The following KDM4C variants were observed in gnomAD, a reference collection of about 807,000 sequenced individuals.
The protein encoded by KDM4C is lysine-specific demethylase 4C.
KDM4C carries 81 observed loss-of-function variants against 129.3 expected under a neutral mutation model. The observed-to-expected ratio is 0.63, with a 90% CI of 0.52 to 0.75. The LOEUF is 0.75. Among genes scored for constraint, KDM4C ranks in the 30% least tolerant of loss-of-function variants. The pLI is 0.00. For missense variants in KDM4C, 1,457 were observed against 1,304.0 expected, an observed-to-expected ratio of 1.12 and a Z score of -1.81; for synonymous variants, 573 against 456.1, an observed-to-expected ratio of 1.26 and a Z score of -3.26.
At chr9:7,081,843 G>A (rs7847129) in intron 17 of KDM4C, among the ~76,000 whole-genome samples, 58,607 of 152,040 alleles carry the variant, frequency 0.39, 12,067 homozygotes, top group Non-Finnish European at 0.46. Context: ...GTACGGAAAG[G>A]CATGTATTAC....
intron 19 of KDM4C, among the ~76,000 whole-genome samples, chr9:7,134,176 C>T (rs563480511): frequency 1.6e-4 from 24 of 152,322 alleles, no homozygotes; most frequent in South Asian, 8.3e-4. Context: ...GCATGGCCCA[C>T]ATGGCCTTTC....
chr9:6,835,046 G>A (rs918783358), intron 4 of KDM4C: 6 of 948,660 alleles, frequency 6.3e-6, no homozygotes, highest in Middle Eastern at 2.1e-4. Flanking sequence ...CGTGGCTACA[G>A]CTTCACCACC....
intron 5 of KDM4C, among the ~76,000 whole-genome samples, chr9:6,850,388 G>T (rs1467701676): frequency 6.6e-6 from 1 of 152,150 alleles, no homozygotes; most frequent in African/African-American, 2.4e-5. Context: ...GACTTCCTGG[G>T]TGTAGTTTCA....
intron 8 of KDM4C, among the ~76,000 whole-genome samples, chr9:6,909,425 TAGCACATCC>T (rs1324367774): frequency 3.9e-5 from 6 of 152,334 alleles, no homozygotes; most frequent in African/African-American, 1.2e-4. Context: ...CCATCTGATC[TAGCACATCC>T]AGTGGCATTG....
intron 3 of KDM4C, among the ~76,000 whole-genome samples, chr9:6,813,892 G>A (rs1473508907): frequency 1.3e-5 from 2 of 152,054 alleles, no homozygotes; most frequent in Non-Finnish European, 2.9e-5. Context: ...TCTTGAAAGA[G>A]CTATCTTGTT....
intron 8 of KDM4C, chr9:6,924,797 T>G: frequency 1.0e-6 from 1 of 981,374 alleles, no homozygotes; most frequent in Admixed American, 6.1e-5. Context: ...GTATATTCTT[T>G]TTTTTGGTTT....
chr9:6,930,569 T>A (rs1010546562), intron 8 of KDM4C, among the ~76,000 whole-genome samples: 10 of 148,620 alleles, frequency 6.7e-5, no homozygotes, highest in African/African-American at 2.2e-4. Flanking sequence ...TTATATATGT[T>A]ATCTATAACA....
chr9:6,802,062 G>A (rs938874633), intron 2 of KDM4C, among the ~76,000 whole-genome samples: 3 of 150,614 alleles, frequency 2.0e-5, no homozygotes, highest in Non-Finnish European at 2.9e-5. Context: ...CTGACATCGC[G>A]CCATTGCACT....
At chr9:6,885,021 A>G (rs1332675572) in intron 6 of KDM4C, among the ~76,000 whole-genome samples, 1 of 152,246 alleles carries the variant, frequency 6.6e-6, no homozygotes, top group Non-Finnish European at 1.5e-5. Context: ...TTCAGGTAAA[A>G]TCTACAGTAA....
At chr9:6,862,883 T>C (rs2130490348) in intron 5 of KDM4C, among the ~76,000 whole-genome samples, 1 of 152,262 alleles carries the variant, frequency 6.6e-6, no homozygotes, top group South Asian at 2.1e-4. Flanking sequence ...TTGAAAATGC[T>C]TCAGTACTTT....
intron 1 of KDM4C, among the ~76,000 whole-genome samples, chr9:6,792,766 G>C (rs1320804692): frequency 2.0e-5 from 3 of 152,116 alleles, no homozygotes; most frequent in African/African-American, 4.8e-5. Flanking sequence ...CCTGGCATAG[G>C]GAACTTGGCA....
At chr9:6,965,930 C>G (rs914935163) in intron 8 of KDM4C, among the ~76,000 whole-genome samples, 1 of 152,196 alleles carries the variant, frequency 6.6e-6, no homozygotes, top group African/African-American at 2.4e-5. Flanking sequence ...AATTAACCAT[C>G]ACAATAAGTT....
chr9:6,789,366 A>G (rs537617928), intron 1 of KDM4C, among the ~76,000 whole-genome samples: 11 of 151,348 alleles, frequency 7.3e-5, no homozygotes, highest in African/African-American at 2.7e-4. Flanking sequence ...GCTTATAGAC[A>G]TGTGCCACCA....
chr9:6,908,843 A>T (rs1453374253), intron 8 of KDM4C, among the ~76,000 whole-genome samples: 1 of 152,212 alleles, frequency 6.6e-6, no homozygotes, highest in East Asian at 1.9e-4. Context: ...CCAAATTGGA[A>T]CAATAATGAT....
At chr9:6,749,859 G>A (rs1818011409) in intron 1 of KDM4C, among the ~76,000 whole-genome samples, 1 of 151,350 alleles carries the variant, frequency 6.6e-6, no homozygotes, top group South Asian at 2.1e-4. Flanking sequence ...GGTGGTGCAT[G>A]CCTGTAATCG....
At chr9:6,747,109 C>G (rs984489256) in intron 1 of KDM4C, among the ~76,000 whole-genome samples, 3 of 150,880 alleles carry the variant, frequency 2.0e-5, no homozygotes, top group African/African-American at 7.3e-5. Context: ...GGGAGGATTG[C>G]TTGAGCCCAG....
intron 8 of KDM4C, among the ~76,000 whole-genome samples, chr9:6,972,112 A>T (rs1005203389): frequency 6.6e-6 from 1 of 152,138 alleles, no homozygotes; most frequent in Non-Finnish European, 1.5e-5. Flanking sequence ...ATGGGTACGA[A>T]ATAAAACACC....
In KDM4C at chr9:7,109,016, A is replaced by C. The variant is rs185797926; in HGVS notation, c.2610+5146A>C. On this transcript the variant is annotated intron_variant, in intron 18 of 21. Coordinates refer to ENST00000381309, the MANE Select transcript of KDM4C (RefSeq NM_015061.6). ...GAGAGACTCCAAAACATTCACTCCC[A>C]CTGTAACATTCTCTTTTAATTAGCC... Among the ~76,000 whole-genome samples the C allele has an allele frequency of 3.0e-4, 45 of 152,362 alleles. No homozygotes were observed. In the East Asian group the frequency reaches 8.3e-3, roughly 28 times the overall value.
At chr9:6,840,491 G>A (rs561120829) in intron 4 of KDM4C, among the ~76,000 whole-genome samples, 1 of 152,024 alleles carries the variant, frequency 6.6e-6, no homozygotes, top group Admixed American at 6.6e-5. Context: ...CTGCCTCCCA[G>A]GTTCCAGTGA....
Sources: gnomAD v4.1 joint callset for allele counts (sites outside exome capture counted in the v4.1 genomes callset) on GRCh38, gnomAD v4.1.1 for gene constraint, MANE v1.5 for transcripts, NCBI Gene and HGNC (gene_info 2026-07-23, HGNC 2026-07-21) for gene names.